EEF1AKMT2: variants seen among roughly 807,000 people sequenced by gnomAD.
The protein encoded by EEF1AKMT2 is EEF1A lysine methyltransferase 2.
In EEF1AKMT2, 32 loss-of-function variants were observed where a neutral mutation model predicts 35.8. That is an observed-to-expected ratio of 0.89 (90% CI 0.67 to 1.20). The LOEUF is 1.20. Among genes scored for constraint, EEF1AKMT2 ranks in the 50% most tolerant of loss-of-function variants. The pLI is 0.00. For synonymous variants in EEF1AKMT2, 121 were observed against 133.7 expected, an observed-to-expected ratio of 0.91 and a Z score of 0.65; for missense variants, 330 against 347.5, an observed-to-expected ratio of 0.95 and a Z score of 0.40.
chr10:124,777,247 C>T (rs1444824722), intron 3 of EEF1AKMT2, among the ~76,000 whole-genome samples: 5 of 150,536 alleles, frequency 3.3e-5, no homozygotes, highest in Non-Finnish European at 7.4e-5. Flanking sequence ...CCATTGCACT[C>T]CAGCCTGGGC....
chr10:124,786,818 AAG>A (rs1030561637), intron 3 of EEF1AKMT2, among the ~76,000 whole-genome samples: 1 of 152,142 alleles, frequency 6.6e-6, no homozygotes, highest in Non-Finnish European at 1.5e-5. Context: ...TCAAAAAAAA[AAG>A]AAAGAAAAAG....
intron 3 of EEF1AKMT2, among the ~76,000 whole-genome samples, chr10:124,787,884 T>C (rs1371601846): frequency 1.3e-5 from 2 of 152,184 alleles, no homozygotes; most frequent in African/African-American, 4.8e-5. Flanking sequence ...TACTTCTGAT[T>C]TGTGCACTTT....
At position 124,783,157 on chromosome 10, in the gene EEF1AKMT2, T is replaced by C. The variant is rs1484184305; in HGVS notation, c.291+5886A>G. ...AAAACCTTTTTTTTTTTTTTTTTTT[T>C]TGAGACAGAGTCTTACTCTGTCTCC... On this transcript the variant is annotated intron_variant, in intron 3 of 6. Coordinates refer to ENST00000368836, the MANE Select transcript of EEF1AKMT2 (RefSeq NM_212554.4). 6.2e-5 allele frequency among the ~76,000 whole-genome samples: 9 copies of C among 145,966 alleles called. No individual in the cohort carries two copies. The South Asian group carries it at 1.1e-3, about 18-fold the overall frequency.
Position 124,760,333 on chromosome 10 carries a change from A to C in EEF1AKMT2, c.*170T>G. 1.0e-6 allele frequency: 1 copy of C among 961,522 alleles called. No individual in the cohort carries two copies. Among genetic ancestry groups the C allele is most frequent in the African/African-American group, 1.6e-5 (1 of 61,452 alleles). The allele number at this position is 961,522 out of a possible 1,614,324, so 59.6% of individuals were successfully genotyped here. On this transcript the variant is annotated 3_prime_UTR_variant, in exon 7 of 7. Coordinates refer to ENST00000368836, the MANE Select transcript of EEF1AKMT2 (RefSeq NM_212554.4). ...GTGTACTTACTAAGCATTTATTTGC[A>C]CAAGGATTTTCTGTGTCAGGTTAAC...
Position 124,762,349 on chromosome 10 carries a change from G to A in EEF1AKMT2, c.826C>T (p.Pro276Ser). ...TGGTATAATCCCAGCACTTTGGGAG[G>A]CCAGGTGGGAGAATCACTTGAGCCC... ...LLGSSDSPTW[P>S]PKVLGLYHAR... is the part of the protein sequence containing the mutation. Residue 276 changes from proline to serine, a missense_variant, in exon 6 of 7, where the codon CCT becomes TCT. By Grantham distance (74) the Pro-to-Ser change is moderately conservative (BLOSUM62 -1). Transcript: ENST00000368836. 1 of 1,250,906 alleles carries A rather than the reference G, an allele frequency of 8.0e-7. No homozygotes were observed. Among genetic ancestry groups the A allele is most frequent in the South Asian group, 1.4e-5 (1 of 73,980 alleles). 77.5% of individuals were successfully genotyped at this position (1,250,906 alleles called of 1,614,324 possible). A position where few individuals can be genotyped will look rare whatever the true frequency, so the allele number is the denominator to read the frequency against.
In EEF1AKMT2 at chr10:124,765,490, T is replaced by C; in HGVS notation, c.518A>G (p.Tyr173Cys). ...PDNAIEKRKQ[Y>C]VKSLSRVLKV... ...CAACACCCTGGAGAGAGATTTCACA[T>C]ATTGCTTCCTCTTCTCAATTGCATT... Residue 173 changes from tyrosine (Y) to cysteine (C), a missense_variant, in exon 5 of 7, where the codon TAT (tyrosine) becomes TGT (cysteine). Transcript: ENST00000368836. The C allele has an allele frequency of 1.2e-6, 2 of 1,614,010 alleles. No individual in the cohort carries two copies. The highest frequency in any genetic ancestry group is 8.5e-7 in the Non-Finnish European group (1 of 1,179,942).
At chr10:124,778,187 A>C (rs1950505230) in intron 3 of EEF1AKMT2, among the ~76,000 whole-genome samples, 1 of 149,478 alleles carries the variant, frequency 6.7e-6, no homozygotes, top group South Asian at 2.1e-4. Flanking sequence ...TTTAACACAC[A>C]GTCTATACAT....
chr10:124,779,337 T>A (rs971917724), intron 3 of EEF1AKMT2, among the ~76,000 whole-genome samples: 2 of 152,160 alleles, frequency 1.3e-5, no homozygotes, highest in East Asian at 3.9e-4. Context: ...TTCACCATGT[T>A]GCCCAGGCTG....
intron 4 of EEF1AKMT2, among the ~76,000 whole-genome samples, chr10:124,771,389 G>A (rs147426330): frequency 0.03 from 4,489 of 151,236 alleles, 108 homozygotes; most frequent in Non-Finnish European, 0.046. Context: ...GTGAGCCACC[G>A]CGCCCAGCCC....
intron 3 of EEF1AKMT2, among the ~76,000 whole-genome samples, chr10:124,779,747 C>CAAAAAAAAAA (rs34475748): frequency 3.5e-5 from 1 of 28,174 alleles, no homozygotes; most frequent in Non-Finnish European, 6.4e-5. Context: ...GACTCCATCT[C>CAAAAAAAAAA]AAAAAAAAAA....
chr10:124,762,768 T>G (rs1156457798), intron 5 of EEF1AKMT2, among the ~76,000 whole-genome samples: 1 of 152,192 alleles, frequency 6.6e-6, no homozygotes, highest in Non-Finnish European at 1.5e-5. Context: ...AATAAAATAA[T>G]ATGATGTTTC....
intron 4 of EEF1AKMT2, among the ~76,000 whole-genome samples, chr10:124,771,397 C>G (rs1313038258): frequency 2.0e-5 from 3 of 151,836 alleles, no homozygotes; most frequent in South Asian, 2.1e-4. Flanking sequence ...CCGCGCCCAG[C>G]CCATTTCCAG....
chr10:124,780,081 A>G (rs894378861), intron 3 of EEF1AKMT2, among the ~76,000 whole-genome samples: 2 of 152,160 alleles, frequency 1.3e-5, no homozygotes, highest in South Asian at 2.1e-4. Flanking sequence ...TCAAAAAACA[A>G]AAAGAAACAG....
intron 4 of EEF1AKMT2, among the ~76,000 whole-genome samples, chr10:124,773,399 T>G (rs574981786): frequency 5.9e-5 from 9 of 152,220 alleles, no homozygotes; most frequent in Non-Finnish European, 1.2e-4. Flanking sequence ...ACCTGGCTAT[T>G]TTTTGTACTT....
intron 3 of EEF1AKMT2, among the ~76,000 whole-genome samples, chr10:124,783,708 A>C (rs1230277406): frequency 2.0e-5 from 3 of 152,148 alleles, no homozygotes; most frequent in Admixed American, 1.3e-4. Context: ...GCGGTGGCAT[A>C]ATCATGGCTC....
At position 124,765,488 on chromosome 10, in the gene EEF1AKMT2, C is replaced by T. The variant is rs199658529; in HGVS notation, c.520G>A (p.Val174Met). ...DNAIEKRKQY[V>M]KSLSRVLKVK... ...TTCAACACCCTGGAGAGAGATTTCA[C>T]ATATTGCTTCCTCTTCTCAATTGCA... Residue 174 changes from valine to methionine, a missense_variant, in exon 5 of 7, where the codon GTG becomes ATG. Transcript: ENST00000368836. 3.7e-6 allele frequency: 6 copies of T among 1,613,888 alleles called. No homozygotes were observed. Among genetic ancestry groups the T allele is most frequent in the African/African-American group, 1.3e-5 (1 of 74,922 alleles).
chr10:124,775,824 C>T (rs1156450440), intron 3 of EEF1AKMT2, among the ~76,000 whole-genome samples: 1 of 152,110 alleles, frequency 6.6e-6, no homozygotes, highest in Non-Finnish European at 1.5e-5. Flanking sequence ...CTGTATCCCT[C>T]CTTATTCCTT....
chr10:124,757,265 G>A (rs1950294212), downstream of EEF1AKMT2, among the ~76,000 whole-genome samples: 4 of 151,228 alleles, frequency 2.6e-5, no homozygotes, highest in Admixed American at 2.6e-4. Flanking sequence ...TCTCAAAGCA[G>A]AGGGCTGTCC....
chr10:124,774,815 A>T (rs1282358976), intron 3 of EEF1AKMT2, 33 bp from the exon 4 acceptor site: 1 of 1,023,244 alleles, frequency 9.8e-7, no homozygotes, highest in African/African-American at 1.7e-5. Flanking sequence ...TTTAGTATAA[A>T]ATTTTAATAT....
Sources: allele counts gnomAD v4.1 joint callset (sites outside exome capture counted in the v4.1 genomes callset), GRCh38; gene constraint gnomAD v4.1.1; transcripts MANE v1.5; gene names NCBI Gene and HGNC (gene_info 2026-07-23, HGNC 2026-07-21).